ICA1: variants seen among roughly 807,000 people sequenced by gnomAD.
ICA1 encodes 69 kDa islet cell autoantigen.
A neutral mutation model predicts 71.0 loss-of-function variants in ICA1; 40 were observed. The observed-to-expected ratio is 0.56, with a 90% confidence interval of 0.44 to 0.73. ICA1 has a LOEUF of 0.73. ICA1 is among the 30% of genes least tolerant of loss of function. The pLI is 0.00. For missense variants in ICA1, 578 were observed against 576.5 expected (o/e 1.00, Z -0.03); for synonymous variants, 207 against 209.5 (o/e 0.99, Z 0.10).
Position 8,127,861 on chromosome 7 carries a change from C to T in ICA1, c.1330+12G>A, listed in dbSNP as rs750789632. 2 of 1,588,572 alleles carry T rather than the reference C, an allele frequency of 1.3e-6. No individual in the cohort carries two copies. Among genetic ancestry groups the T allele is most frequent in the Non-Finnish European group, 1.7e-6 (2 of 1,166,224 alleles). ...AAACAAAAAACCCCATTTCAATCCC[C>T]ACCTTACCTACCTTGTAGCGAGGCC... On this transcript the variant is annotated intron_variant, in intron 13 of 13. Transcript: ENST00000402384.
chr7:8,212,212 CAT>C (rs1245254711), intron 6 of ICA1, among the ~76,000 whole-genome samples: 2 of 152,146 alleles, frequency 1.3e-5, no homozygotes, highest in African/African-American at 4.8e-5. Context: ...GAAAAAAGTA[CAT>C]GTCAGTCCTT....
At chr7:8,169,852 G>A (rs1807594296) in intron 6 of ICA1, among the ~76,000 whole-genome samples, 1 of 149,890 alleles carries the variant, frequency 6.7e-6, no homozygotes, top group Non-Finnish European at 1.5e-5. Flanking sequence ...GATGAAGTCT[G>A]ATTTACCAAG....
At chr7:8,179,563 G>A (rs1232960540) in intron 6 of ICA1, among the ~76,000 whole-genome samples, 1 of 152,128 alleles carries the variant, frequency 6.6e-6, no homozygotes, top group African/African-American at 2.4e-5. Context: ...ACGGTTTTGC[G>A]GTGTTGCTAA....
At position 8,226,812 on chromosome 7, in the gene ICA1, T is replaced by G. The variant is rs924777192; in HGVS notation, c.256+1789A>C. 6.6e-6 allele frequency among the ~76,000 whole-genome samples: 1 copy of G among 152,218 alleles called. No homozygotes were observed. The highest frequency in any genetic ancestry group is 1.5e-5 in the Non-Finnish European group (1 of 68,036). On this transcript the variant is annotated intron_variant, in intron 4 of 13. Coordinates refer to ENST00000402384, the MANE Select transcript of ICA1 (RefSeq NM_001136020.3). This position sits in a 1 kb window ranked among gnomAD's most constrained non-coding sequence, Gnocchi z 4.4. ...GGGGACATTATTCTAACCCTTTATATTACAAGATAATTATGAGCCTTCATG... is the reference window on the plus strand; with the variant it reads ...GGGGACATTATTCTAACCCTTTATAGTACAAGATAATTATGAGCCTTCATG...
chr7:8,238,717 T>C (rs148027781), intron 1 of ICA1, among the ~76,000 whole-genome samples: 118 of 152,342 alleles, frequency 7.7e-4, no homozygotes, highest in African/African-American at 2.5e-3. Flanking sequence ...GTGTTATTTA[T>C]AGTTATAGTT....
intron 1 of ICA1, among the ~76,000 whole-genome samples, chr7:8,259,365 ATTTGT>A (rs1395620401): frequency 6.6e-6 from 1 of 152,088 alleles, no homozygotes; most frequent in Non-Finnish European, 1.5e-5. Context: ...AACAAATTAG[ATTTGT>A]TTTGTTTCTG....
rs752306149 is a variant in ICA1 at position 8,127,889 on chromosome 7, T to A, written c.1314A>T (p.Leu438Phe). 3 of 1,614,004 alleles carry A rather than the reference T, an allele frequency of 1.9e-6. No individual in the cohort carries two copies. The highest frequency in any genetic ancestry group is 8.5e-7 in the Non-Finnish European group (1 of 1,179,932). ...SQLLDQNMKD[L>F]QASLQEPAKA... is the part of the protein sequence containing the mutation. ...CTTACCTACCTTGTAGCGAGGCCTG[T>A]AAGTCTTTCATATTTTGGTCTAAAA... is the stretch of plus-strand genomic sequence containing the variant. The change falls in exon 13 of 14, where the codon TTA becomes TTT. Residue 438 changes from leucine (L) to phenylalanine (F), a missense_variant. Leu to Phe is a conservative substitution (Grantham distance 22). Coordinates refer to ENST00000402384, the MANE Select transcript of ICA1 (RefSeq NM_001136020.3).
chr7:8,145,744 TTG>T (rs771016367), intron 8 of ICA1, among the ~76,000 whole-genome samples: 287 of 22,112 alleles, frequency 0.013, 14 homozygotes, highest in African/African-American at 0.025. Flanking sequence ...ATTGGAATCA[TTG>T]TGTATATATA....
intron 6 of ICA1, among the ~76,000 whole-genome samples, chr7:8,196,748 G>C (rs978461855): frequency 1.3e-5 from 2 of 152,000 alleles, no homozygotes; most frequent in Admixed American, 6.6e-5. Context: ...ATGTGGTTTG[G>C]CTGCATTCCC....
At chr7:8,191,919 C>T (rs1785775604) in intron 6 of ICA1, among the ~76,000 whole-genome samples, 1 of 152,010 alleles carries the variant, frequency 6.6e-6, no homozygotes, top group South Asian at 2.1e-4. Flanking sequence ...CTTTGTATGC[C>T]TGGATACCCT....
rs1044513440 is a variant in ICA1, at chr7:8,222,658, G to A, written c.257-1260C>T. On this transcript the variant is annotated intron_variant, in intron 4 of 13. Transcript: ENST00000402384. The surrounding 1 kb of genome is among the most constrained non-coding windows in gnomAD (Gnocchi z 4.8). ...TTCACCCTAAACATTCCCTTGGGAA[G>A]GCCCAGTCAAGAAGAGGCTTTTAGA... Among the ~76,000 whole-genome samples, 2 of 152,198 alleles carry A rather than the reference G, an allele frequency of 1.3e-5. No homozygotes were observed. Among genetic ancestry groups the A allele is most frequent in the Non-Finnish European group, 2.9e-5 (2 of 68,040 alleles).
intron 6 of ICA1, among the ~76,000 whole-genome samples, chr7:8,174,810 C>T (rs971602979): frequency 2.1e-5 from 3 of 139,794 alleles, no homozygotes; most frequent in Non-Finnish European, 3.1e-5. Flanking sequence ...ACAATTCATA[C>T]TCTTTAATGC....
chr7:8,254,993 C>T (rs1233831157), intron 1 of ICA1, among the ~76,000 whole-genome samples: 1 of 152,156 alleles, frequency 6.6e-6, no homozygotes, highest in Non-Finnish European at 1.5e-5. Context: ...ACAGTTTCCA[C>T]TCTCTGTGCA....
chr7:8,233,394 A>ATT (rs35599635), intron 2 of ICA1, among the ~76,000 whole-genome samples: 3 of 142,730 alleles, frequency 2.1e-5, no homozygotes, highest in African/African-American at 7.8e-5. Context: ...TATTCTTGGT[A>ATT]TTTTTTTTTT....
intron 12 of ICA1, among the ~76,000 whole-genome samples, chr7:8,134,123 C>T (rs1243365301): frequency 6.6e-6 from 1 of 152,130 alleles, no homozygotes; most frequent in Admixed American, 6.5e-5. Flanking sequence ...CAGATGGCTC[C>T]ACTGGCAGCC....
At chr7:8,166,555 G>A (rs182548908) in intron 6 of ICA1, among the ~76,000 whole-genome samples, 2 of 152,078 alleles carry the variant, frequency 1.3e-5, no homozygotes, top group East Asian at 3.9e-4. Context: ...AGATAACCTG[G>A]GACAAACCAT....
Position 8,123,290 on chromosome 7 carries a change from G to T in ICA1, c.1330+4583C>A, listed in dbSNP as rs1056704857. 6.6e-6 allele frequency among the ~76,000 whole-genome samples: 1 copy of T among 152,178 alleles called. No homozygotes were observed. Among genetic ancestry groups the T allele is most frequent in the Non-Finnish European group, 1.5e-5 (1 of 68,044 alleles). On this transcript the variant is annotated intron_variant, in intron 13 of 13. Transcript: ENST00000402384. The surrounding 1 kb of genome is among the most constrained non-coding windows in gnomAD (Gnocchi z 4.1). ...CTCTCCATTTCCCCAGGGGACTGGG[G>T]ACAGAACGAGGAGAGAGGTGGAAGA...
chr7:8,143,995 ATG>A, intron 8 of ICA1, 23 bp from the exon 9 acceptor site: 1 of 1,285,692 alleles, frequency 7.8e-7, no homozygotes, highest in Non-Finnish European at 1.1e-6. Context: ...CCATAGAAAA[ATG>A]AAAAAGAAAA....
Position 8,222,299 on chromosome 7 carries a change from C to A in ICA1, c.257-901G>T, listed in dbSNP as rs180959771. Reference sequence around the variant, plus strand: ...TACAGTGGGGGTCCTGAACACACACCAGCAGCCAAGCCACAGGCACCAGAG... The same window carrying A: ...TACAGTGGGGGTCCTGAACACACACAAGCAGCCAAGCCACAGGCACCAGAG... On this transcript the variant is annotated intron_variant, in intron 4 of 13. Transcript: ENST00000402384. This position sits in a 1 kb window ranked among gnomAD's most constrained non-coding sequence, Gnocchi z 4.8. 6.6e-6 allele frequency among the ~76,000 whole-genome samples: 1 copy of A among 152,128 alleles called. No homozygotes were observed. The highest frequency in any genetic ancestry group is 1.9e-4 in the East Asian group (1 of 5,200).
Sources: gnomAD v4.1 joint callset for allele counts (sites outside exome capture counted in the v4.1 genomes callset) on GRCh38, gnomAD v4.1.1 for gene constraint, Gnocchi (gnomAD v3.1) non-coding constraint, MANE v1.5 for transcripts, NCBI Gene and HGNC (gene_info 2026-07-23, HGNC 2026-07-21) for gene names.